Variants in CFAP299 observed in about 807,000 individuals in gnomAD.
CFAP299 encodes the protein cilia- and flagella-associated protein 299.
CFAP299 carries 21 observed loss-of-function variants against 27.0 expected under a neutral mutation model. The ratio of observed to expected loss-of-function variants is 0.78; its 90% CI spans 0.55 to 1.12. The LOEUF (loss-of-function observed/expected upper bound fraction) is 1.12, where lower values mean the gene tolerates loss of function less well. Among genes scored for constraint, CFAP299 ranks in the 50% most tolerant of loss-of-function variants. The pLI is 0.00. For synonymous variants in CFAP299, 104 were observed against 98.1 expected (o/e 1.06, Z -0.36); for missense variants, 310 against 276.6 (o/e 1.12, Z -0.86).
intron 4 of CFAP299, among the ~76,000 whole-genome samples, chr4:80,910,550 T>C (rs1735415545): frequency 6.6e-6 from 1 of 152,144 alleles, no homozygotes; most frequent in African/African-American, 2.4e-5. Flanking sequence ...GAAACCGTCA[T>C]TCCTAGCCAA....
At chr4:80,685,142 C>T (rs988780891) in intron 3 of CFAP299, among the ~76,000 whole-genome samples, 4 of 152,198 alleles carry the variant, frequency 2.6e-5, no homozygotes, top group African/African-American at 9.6e-5. Flanking sequence ...CATCCTTTAA[C>T]AATTTTCAGA....
rs566927109 is a variant in CFAP299 at position 80,627,092 on chromosome 4, C to A, written c.333+43909C>A. Among the ~76,000 whole-genome samples, 12 of 151,844 alleles carry A rather than the reference C, an allele frequency of 7.9e-5. No homozygotes were observed. The South Asian group carries it at 2.5e-3, about 32-fold the overall frequency. On this transcript the variant is annotated intron_variant, in intron 3 of 5. Transcript: ENST00000358105. ...CTCTGATTAATATAAATGCAAAAAT[C>A]CTCAACAAAATATTAGCACACTGAA...
intron 3 of CFAP299, among the ~76,000 whole-genome samples, chr4:80,648,384 G>A (rs191266963): frequency 6.6e-5 from 10 of 152,206 alleles, no homozygotes; most frequent in Non-Finnish European, 1.2e-4. Context: ...GCATTTGTAT[G>A]TTTTACATTA....
chr4:80,839,082 G>T (rs1730723855), intron 3 of CFAP299, among the ~76,000 whole-genome samples: 1 of 152,112 alleles, frequency 6.6e-6, no homozygotes, highest in South Asian at 2.1e-4. Context: ...GCCTTGAATT[G>T]TTTATTGCCT....
At chr4:80,683,716 C>T (rs2110007626) in intron 3 of CFAP299, among the ~76,000 whole-genome samples, 1 of 152,212 alleles carries the variant, frequency 6.6e-6, no homozygotes, top group Non-Finnish European at 1.5e-5. Context: ...TAAACTTATA[C>T]ATGTTTTAAT....
intron 3 of CFAP299, among the ~76,000 whole-genome samples, chr4:80,726,104 C>G (rs1723145985): frequency 6.6e-6 from 1 of 151,884 alleles, no homozygotes; most frequent in African/African-American, 2.4e-5. Context: ...GGATTTCTTT[C>G]CCCTTCACTC....
At chr4:80,542,691 G>A (rs1408300863) in intron 2 of CFAP299, among the ~76,000 whole-genome samples, 2 of 151,872 alleles carry the variant, frequency 1.3e-5, no homozygotes, top group African/African-American at 4.8e-5. Context: ...TTCACACAGT[G>A]TAGCCTCACC....
At chr4:80,719,282 A>G (rs966917265) in intron 3 of CFAP299, among the ~76,000 whole-genome samples, 6 of 152,136 alleles carry the variant, frequency 3.9e-5, no homozygotes, top group African/African-American at 1.4e-4. Context: ...GTATCCCTGA[A>G]CCTAAAATAA....
chr4:80,638,093 T>G (rs1458113139), intron 3 of CFAP299, among the ~76,000 whole-genome samples: 1 of 152,172 alleles, frequency 6.6e-6, no homozygotes, highest in African/African-American at 2.4e-5. Context: ...CAAATCCTTT[T>G]TTATTGACAG....
intron 3 of CFAP299, among the ~76,000 whole-genome samples, chr4:80,766,949 T>G (rs979776801): frequency 6.6e-6 from 1 of 152,160 alleles, no homozygotes; most frequent in Non-Finnish European, 1.5e-5. Context: ...TAAGGAGATA[T>G]GAATTATGTT....
At chr4:80,666,673 C>T (rs1741155538) in intron 3 of CFAP299, among the ~76,000 whole-genome samples, 1 of 152,110 alleles carries the variant, frequency 6.6e-6, no homozygotes, top group African/African-American at 2.4e-5. Context: ...TTGATCTTGC[C>T]TTCTTGTATG....
intron 2 of CFAP299, among the ~76,000 whole-genome samples, chr4:80,526,153 C>G (rs1733163739): frequency 6.6e-6 from 1 of 152,024 alleles, no homozygotes; most frequent in South Asian, 2.1e-4. Flanking sequence ...CGGGTCATAG[C>G]TTAGATAGGT....
intron 3 of CFAP299, among the ~76,000 whole-genome samples, chr4:80,774,318 G>A (rs987429707): frequency 4.0e-5 from 6 of 151,696 alleles, no homozygotes; most frequent in Non-Finnish European, 8.8e-5. Context: ...GAAACATGCT[G>A]ATACTTTATT....
At chr4:80,891,748 T>C (rs1734290110) in intron 4 of CFAP299, among the ~76,000 whole-genome samples, 1 of 53,952 alleles carries the variant, frequency 1.9e-5, no homozygotes, top group Non-Finnish European at 3.3e-5. Flanking sequence ...ACATGTACCC[T>C]AAAACTTAGA....
chr4:80,463,274 G>A (rs1729542070), intron 2 of CFAP299, among the ~76,000 whole-genome samples: 2 of 151,774 alleles, frequency 1.3e-5, no homozygotes, highest in Non-Finnish European at 1.5e-5. Context: ...TATAGCAAAT[G>A]GCTATTTTAA....
chr4:80,887,320 C>A (rs1240041066), intron 4 of CFAP299, among the ~76,000 whole-genome samples: 2 of 151,916 alleles, frequency 1.3e-5, no homozygotes, highest in Non-Finnish European at 2.9e-5. Context: ...AAGAAAGAAT[C>A]CTAAAAGCAG....
chr4:80,372,129 A>G (rs2110010030), intron 2 of CFAP299, among the ~76,000 whole-genome samples: 1 of 152,320 alleles, frequency 6.6e-6, no homozygotes, highest in South Asian at 2.1e-4. Flanking sequence ...CAGGAAACTT[A>G]CAATCTGCTG....
chr4:80,431,371 C>T (rs1727807846), intron 2 of CFAP299, among the ~76,000 whole-genome samples: 1 of 147,162 alleles, frequency 6.8e-6, no homozygotes, highest in Middle Eastern at 3.5e-3. Flanking sequence ...ATCTCTCCCC[C>T]CTTCCTTCCC....
intron 4 of CFAP299, among the ~76,000 whole-genome samples, chr4:80,916,343 T>TTAATTGCA (rs1199593147): frequency 3.4e-5 from 5 of 145,548 alleles, no homozygotes; most frequent in African/African-American, 1.0e-4. Flanking sequence ...GTACAGTATA[T>TTAATTGCA]TAATTGCATA....
Sources: allele counts gnomAD v4.1 joint callset (sites outside exome capture counted in the v4.1 genomes callset), GRCh38; gene constraint gnomAD v4.1.1; transcripts MANE v1.5; gene names NCBI Gene and HGNC (gene_info 2026-07-23, HGNC 2026-07-21).